Variants in DAPK1 observed in about 807,000 individuals in gnomAD.
The protein encoded by DAPK1 is death-associated protein kinase 1.
Under a neutral mutation model 144.9 loss-of-function variants are expected in DAPK1, and 56 were observed. The observed-to-expected ratio is 0.39, with a 90% CI of 0.31 to 0.48. The LOEUF is 0.48. Ranked by LOEUF, DAPK1 falls within the 20% of genes least tolerant of loss-of-function variation. The pLI, the probability that DAPK1 is intolerant of heterozygous loss-of-function variation, is 0.95. For synonymous variants in DAPK1, 690 were observed against 749.0 expected, an observed-to-expected ratio of 0.92 and a Z score of 1.29; for missense variants, 1,454 against 1,875.4, an observed-to-expected ratio of 0.78 and a Z score of 4.15.
intron 2 of DAPK1, chr9:87,507,110 C>T (rs574597963): frequency 2.0e-5 from 3 of 152,290 alleles, no homozygotes; most frequent in South Asian, 2.1e-4. Flanking sequence ...AATAGTGACG[C>T]GGGTTTGTCA....
At chr9:87,566,548 A>G (rs981819092) in intron 2 of DAPK1, among the ~76,000 whole-genome samples, 2 of 152,228 alleles carry the variant, frequency 1.3e-5, no homozygotes, top group Non-Finnish European at 2.9e-5. Context: ...ATTGGTAAGG[A>G]AATTTTCTAA....
At chr9:87,675,156 C>A (rs1423535054) in intron 19 of DAPK1, among the ~76,000 whole-genome samples, 1 of 152,102 alleles carries the variant, frequency 6.6e-6, no homozygotes, top group Non-Finnish European at 1.5e-5. Context: ...GCCTGGTGTT[C>A]CTACATGGCA....
chr9:87,613,575 G>T lies in DAPK1; in HGVS notation c.284+8400G>T, dbSNP rs542546914. ...TTGTTTTTCATTGTATGTCAGCGTGGTGCATGTATGTAGACGAACACATGG... is the reference window on the plus strand; with the variant it reads ...TTGTTTTTCATTGTATGTCAGCGTGTTGCATGTATGTAGACGAACACATGG... On this transcript the variant is annotated intron_variant, in intron 3 of 25. Transcript: ENST00000408954. Among the ~76,000 whole-genome samples the T allele has an allele frequency of 2.2e-4, 34 of 152,318 alleles. No individual in the cohort carries two copies. The South Asian group carries it at 6.8e-3, about 31-fold the overall frequency.
At chr9:87,594,593 C>T (rs1172766037) in intron 2 of DAPK1, among the ~76,000 whole-genome samples, 1 of 152,242 alleles carries the variant, frequency 6.6e-6, no homozygotes, top group Non-Finnish European at 1.5e-5. Context: ...TGCCAGGCTC[C>T]AGGCTCCTTC....
chr9:87,549,939 C>A (rs867816770), intron 2 of DAPK1, among the ~76,000 whole-genome samples: 7 of 152,194 alleles, frequency 4.6e-5, no homozygotes, highest in African/African-American at 1.7e-4. Flanking sequence ...AAGTAAGTTG[C>A]AGGTGTCTGT....
At chr9:87,622,502 G>A (rs1235429473) in intron 3 of DAPK1, among the ~76,000 whole-genome samples, 1 of 152,100 alleles carries the variant, frequency 6.6e-6, no homozygotes, top group Non-Finnish European at 1.5e-5. Context: ...GTGGGTAGAG[G>A]GAAGGTAGAT....
intron 2 of DAPK1, among the ~76,000 whole-genome samples, chr9:87,582,557 C>CCCTT (rs762396671): frequency 7.2e-6 from 1 of 139,500 alleles, no homozygotes; most frequent in Non-Finnish European, 1.5e-5. Context: ...AATTTTCCTG[C>CCCTT]TTTTTTTTTT....
rs1346116271 is a variant in DAPK1, at chr9:87,534,096, A to G, written c.62+34957A>G. Among the ~76,000 whole-genome samples the G allele has an allele frequency of 6.6e-5, 7 of 106,002 alleles. No homozygotes were observed. The East Asian group carries it at 1.7e-3, about 26-fold the overall frequency. The allele number at this position is 106,002 out of a possible 152,430, so 69.5% of individuals were successfully genotyped here. On this transcript the variant is annotated intron_variant, in intron 2 of 25. Transcript: ENST00000408954. Reference sequence around the variant, plus strand: ...TGATCCTGTGGGAATTATTATTCCAATTTCTTGCGATTTTTTTTTTTTTAA... The same window carrying G: ...TGATCCTGTGGGAATTATTATTCCAGTTTCTTGCGATTTTTTTTTTTTTAA...
chr9:87,668,919 T>C, intron 19 of DAPK1: 1 of 474,738 alleles, frequency 2.1e-6, no homozygotes, highest in South Asian at 2.3e-5. Flanking sequence ...TGGTTTTCCT[T>C]CTCCCACTCT....
rs141736534 is a variant in DAPK1 at position 87,648,519 on chromosome 9, A to C, written c.1330-262A>C. On this transcript the variant is annotated intron_variant, in intron 14 of 25. Coordinates refer to ENST00000408954, the MANE Select transcript of DAPK1 (RefSeq NM_004938.4). ...ATAAAGAAGACTGAGAACAGCTATC[A>C]TGGAAAAGGGAGAGCCTTCTCCTGA... 94 of 424,844 alleles carry C rather than the reference A, an allele frequency of 2.2e-4. No individual in the cohort carries two copies. The East Asian group carries it at 3.3e-3, about 15-fold the overall frequency. The allele number at this position is 424,844 out of a possible 1,614,324, so 26.3% of individuals were successfully genotyped here.
rs201923755 is a variant in DAPK1 at position 87,601,509 on chromosome 9, C to CT, written c.63-3433dup. Among the ~76,000 whole-genome samples the CT allele has an allele frequency of 9.0e-3, 1,302 of 145,438 alleles. 4 individuals are homozygous for CT. The highest frequency in any genetic ancestry group is 0.031 in the South Asian group (140 of 4,530). On this transcript the variant is annotated intron_variant, in intron 2 of 25. Coordinates refer to ENST00000408954, the MANE Select transcript of DAPK1 (RefSeq NM_004938.4). ...TAGCACAGGACAGCCCTGTCATGGG[C>CT]TTTTTTTTTTTTGTCCTATGAGGGC...
intron 2 of DAPK1, among the ~76,000 whole-genome samples, chr9:87,560,827 G>A (rs1325421358): frequency 6.6e-6 from 1 of 151,906 alleles, no homozygotes; most frequent in Middle Eastern, 3.4e-3. Flanking sequence ...CACCACGCCC[G>A]GCTAACTTTT....
At chr9:87,570,284 T>C (rs1156378055) in intron 2 of DAPK1, among the ~76,000 whole-genome samples, 1 of 152,220 alleles carries the variant, frequency 6.6e-6, no homozygotes, top group Non-Finnish European at 1.5e-5. Flanking sequence ...CTCTGTCTAA[T>C]AGAAACTTCA....
chr9:87,657,553 A>G (rs1253976222), intron 17 of DAPK1: 1 of 166,670 alleles, frequency 6.0e-6, no homozygotes, highest in Admixed American at 5.5e-5. Context: ...ATTCCTGGGC[A>G]CCCCTATGAA....
At chr9:87,647,527 A>G in intron 14 of DAPK1, 124 bp downstream of exon 14, 1 of 764,426 alleles carries the variant, frequency 1.3e-6, no homozygotes, top group South Asian at 1.6e-5. Context: ...ATTCACCTGC[A>G]GAACATTTAA....
chr9:87,662,440 T>G (rs1830881981), intron 18 of DAPK1, among the ~76,000 whole-genome samples: 1 of 152,164 alleles, frequency 6.6e-6, no homozygotes, highest in African/African-American at 2.4e-5. Flanking sequence ...ATATTAATTC[T>G]TCCCATCCGT....
chr9:87,646,957 A>C (rs1291011767), intron 13 of DAPK1, among the ~76,000 whole-genome samples: 1 of 152,142 alleles, frequency 6.6e-6, no homozygotes, highest in African/African-American at 2.4e-5. Context: ...CTCTGCAGTA[A>C]GGGAATCCTA....
chr9:87,621,984 G>C (rs1239399155), intron 3 of DAPK1, among the ~76,000 whole-genome samples: 1 of 151,518 alleles, frequency 6.6e-6, no homozygotes, highest in African/African-American at 2.4e-5. Flanking sequence ...CATCCTTTGG[G>C]CCCATGGAAT....
At position 87,706,462 on chromosome 9, in the gene DAPK1, A is replaced by G. The variant is rs1366893130; in HGVS notation, c.3391A>G (p.Ile1131Val). Residue 1131 changes from isoleucine (I) to valine (V), a missense_variant, in exon 26 of 26, where the codon ATC (isoleucine) becomes GTC (valine). Transcript: ENST00000408954. This position sits in a 1 kb window ranked among gnomAD's most constrained non-coding sequence, Gnocchi z 9.0. Reference protein sequence around the residue: ...DEVMVYGGVRIVPVEHLTPFP... With the variant: ...DEVMVYGGVRVVPVEHLTPFP... ...GGTGATGGTGTATGGTGGCGTGCGC[A>G]TCGTGCCCGTGGAACACCTCACCCC... 5 of 1,613,842 alleles carry G rather than the reference A, an allele frequency of 3.1e-6. No individual in the cohort carries two copies. Among genetic ancestry groups the G allele is most frequent in the East Asian group, 2.2e-5 (1 of 44,884 alleles).
Sources: gnomAD v4.1 joint callset for allele counts (sites outside exome capture counted in the v4.1 genomes callset) on GRCh38, gnomAD v4.1.1 for gene constraint, Gnocchi (gnomAD v3.1) non-coding constraint, MANE v1.5 for transcripts, NCBI Gene and HGNC (gene_info 2026-07-23, HGNC 2026-07-21) for gene names.